The following GUSB variants were observed in gnomAD, a reference collection of about 807,000 sequenced individuals.
The protein encoded by GUSB is glucuronidase beta.
Under a neutral mutation model 74.6 loss-of-function variants are expected in GUSB, and 51 were observed. The observed-to-expected ratio is 0.68, with a 90% CI of 0.55 to 0.86. GUSB has a LOEUF of 0.86. GUSB is among the 40% of genes least tolerant of loss of function. GUSB has a pLI of 0.00. For missense variants in GUSB, 736 were observed against 853.7 expected, an observed-to-expected ratio of 0.86 and a Z score of 1.72; for synonymous variants, 360 against 348.3, an observed-to-expected ratio of 1.03 and a Z score of -0.37.
At chr7:65,971,949 G>A (rs1791240373) in intron 8 of GUSB, among the ~76,000 whole-genome samples, 2 of 151,850 alleles carry the variant, frequency 1.3e-5, no homozygotes, top group South Asian at 4.2e-4. Flanking sequence ...TGAGGCGGGA[G>A]AATCACTTGA....
In GUSB at chr7:65,980,226, C is replaced by T. The variant is rs769151272; in HGVS notation, c.394G>A (p.Val132Met). The part of the protein sequence containing the change: ...RIGSAHSYAI[V>M]WVNGVDTLEH... Reference sequence around the variant, plus strand: ...TGCCTGCTCCTGGCCGCACTGACCACGATGGCATAGGAATGGGCACTGCCA... The same window carrying T: ...TGCCTGCTCCTGGCCGCACTGACCATGATGGCATAGGAATGGGCACTGCCA... The change falls in exon 2 of 12, where the codon GTG becomes ATG. Residue 132 changes from valine (V) to methionine (M), a missense_variant and splice_region_variant. Val to Met is a conservative substitution (Grantham distance 21, BLOSUM62 1). Transcript: ENST00000304895. 1.0e-5 allele frequency: 16 copies of T among 1,602,148 alleles called. No homozygotes were observed. The highest frequency in any genetic ancestry group is 1.3e-5 in the African/African-American group (1 of 74,332).
chr7:65,974,868 T>C, intron 6 of GUSB, 51 bp downstream of exon 6: 2 of 1,601,212 alleles, frequency 1.2e-6, no homozygotes, highest in Non-Finnish European at 8.6e-7. Context: ...AAGGCGAAAG[T>C]GGAGGGTGAC....
At chr7:65,979,292 G>T in intron 4 of GUSB, 107 bp downstream of exon 4, 1 of 1,074,032 alleles carries the variant, frequency 9.3e-7, no homozygotes, top group Non-Finnish European at 1.4e-6. Flanking sequence ...GAATCTGTGA[G>T]GGTGTAGAGA....
At chr7:65,965,958 G>A (rs28460798) in intron 10 of GUSB, among the ~76,000 whole-genome samples, 1 of 152,096 alleles carries the variant, frequency 6.6e-6, no homozygotes, top group Non-Finnish European at 1.5e-5. Context: ...ATCACTTGAG[G>A]TCAGGAGTTC....
chr7:65,964,288 G>A (rs777224594), intron 11 of GUSB, 35 bp downstream of exon 11: 74 of 1,585,208 alleles, frequency 4.7e-5, no homozygotes, highest in South Asian at 2.4e-4. Flanking sequence ...AAATGAGGAC[G>A]GGTACGTTAT....
intron 8 of GUSB, among the ~76,000 whole-genome samples, chr7:65,971,907 C>T (rs1562681616): frequency 1.3e-5 from 2 of 151,742 alleles, no homozygotes; most frequent in Middle Eastern, 3.5e-3. Context: ...GGCGTGGTGG[C>T]GCATGCCTGT....
At chr7:65,974,040 T>G (rs760408791) in intron 8 of GUSB, among the ~76,000 whole-genome samples, 2 of 151,684 alleles carry the variant, frequency 1.3e-5, no homozygotes, top group Non-Finnish European at 2.9e-5. Context: ...GAGGTTGTAA[T>G]GAGCGGAGAT....
chr7:65,969,379 A>AAAATAAAT lies in GUSB; in HGVS notation c.1476+895_1476+902dup, dbSNP rs893231338. Among the ~76,000 whole-genome samples the AAAATAAAT allele has an allele frequency of 7.2e-5, 11 of 151,948 alleles. No individual in the cohort carries two copies. In the South Asian group the frequency reaches 1.5e-3, roughly 20 times the overall value. ...GGGCAACAGAGCAAGATTCCATCTC[A>AAAATAAAT]AAATAAATAAATAAATAAATAAAGA... On this transcript the variant is annotated intron_variant, in intron 9 of 11. Coordinates refer to ENST00000304895, the MANE Select transcript of GUSB (RefSeq NM_000181.4).
At chr7:65,964,024 T>G in intron 11 of GUSB, 1 of 431,006 alleles carries the variant, frequency 2.3e-6, no homozygotes, top group African/African-American at 2.0e-5. Context: ...GTCCCGTTTT[T>G]CGTTCCTCCT....
chr7:65,963,380 A>T lies in GUSB; in HGVS notation c.1789+943T>A, dbSNP rs1790625817. On this transcript the variant is annotated intron_variant, in intron 11 of 11. Transcript: ENST00000304895. ...CAAAGGCCTGTCTTTCCCTGTAAGTAATGTATTATAATTCCCACCATTACC... is the reference window on the plus strand; with the variant it reads ...CAAAGGCCTGTCTTTCCCTGTAAGTTATGTATTATAATTCCCACCATTACC... Among the ~76,000 whole-genome samples, 5 of 152,114 alleles carry T rather than the reference A, an allele frequency of 3.3e-5. No individual in the cohort carries two copies. In the South Asian group the frequency reaches 1.0e-3, roughly 32 times the overall value.
rs1791408177 is a variant in GUSB at position 65,974,276 on chromosome 7, G to A, written c.1391+19C>T. On this transcript the variant is annotated intron_variant, in intron 8 of 11. Coordinates refer to ENST00000304895, the MANE Select transcript of GUSB (RefSeq NM_000181.4). ...GGTCTCCTTCCCACTCTAGCCGAGG[G>A]CAGGGAGGGAGCACTCACTTCAAGT... The A allele has an allele frequency of 9.3e-6, 15 of 1,613,402 alleles. No individual in the cohort carries two copies. Among genetic ancestry groups the A allele is most frequent in the Non-Finnish European group, 1.3e-5 (15 of 1,179,484 alleles).
Position 65,979,878 on chromosome 7 carries a change from C to G in GUSB, c.430G>C (p.Gly144Arg). The change falls in exon 3 of 12, where the codon GGG (glycine) becomes CGG (arginine). Residue 144 changes from glycine (G) to arginine (R), a missense_variant. Gly to Arg is a moderately radical substitution (Grantham distance 125, BLOSUM62 -2). This residue lies in a region of GUSB where 368 missense variants were observed against 363.8 expected (regional missense o/e 1.01). Transcript: ENST00000304895. ...VNGVDTLEHE[G>R]GYLPFEADIS... ...TCGGCCTCGAAGGGGAGGTAGCCCC[C>G]CTCATGCTCTAGCGTGTCGACCCCA... The G allele has an allele frequency of 1.2e-6, 2 of 1,611,390 alleles. No individual in the cohort carries two copies. Among genetic ancestry groups the G allele is most frequent in the Non-Finnish European group, 1.7e-6 (2 of 1,179,340 alleles).
chr7:65,970,330 G>A lies in GUSB; in HGVS notation c.1428C>T (p.Ser476=). Residue 476 remains serine, a synonymous_variant, in exon 9 of 12, where the codon TCC becomes TCT. Transcript: ENST00000304895. ...VIAHTKSLDP[S]RPVTFVSNSN... ...AGTTGCTCACAAAGGTCACAGGCCG[G>A]GAGGGGTCCAAGGATTTGGTGTGAG... The A allele has an allele frequency of 3.7e-6, 6 of 1,613,356 alleles. No individual in the cohort carries two copies. The highest frequency in any genetic ancestry group is 5.1e-6 in the Non-Finnish European group (6 of 1,179,630).
At chr7:65,975,730 A>G (rs1791522870) in intron 5 of GUSB, 1 of 329,422 alleles carries the variant, frequency 3.0e-6, no homozygotes, top group African/African-American at 2.1e-5. Flanking sequence ...ATGTGCCTGT[A>G]GTCCCAGCTA....
intron 8 of GUSB, among the ~76,000 whole-genome samples, chr7:65,971,335 C>T (rs1002260378): frequency 2.6e-5 from 4 of 151,994 alleles, no homozygotes; most frequent in African/African-American, 4.8e-5. Context: ...CCGGGCAAGG[C>T]GGCTCACGCC....
At chr7:65,970,636 G>C (rs1480643318) in intron 8 of GUSB, among the ~76,000 whole-genome samples, 1 of 151,980 alleles carries the variant, frequency 6.6e-6, no homozygotes, top group Non-Finnish European at 1.5e-5. Context: ...GCTCACGCCT[G>C]TAATCCCAGC....
intron 5 of GUSB, 182 bp downstream of exon 5, chr7:65,975,833 A>T (rs1375488857): frequency 3.6e-6 from 2 of 563,350 alleles, no homozygotes; most frequent in South Asian, 4.3e-5. Flanking sequence ...CCTGGGTGAC[A>T]GAGTGAGACC....
Position 65,979,404 on chromosome 7 carries a change from T to C in GUSB, c.719A>G (p.Asp240Gly), listed in dbSNP as rs1791826833. The C allele has an allele frequency of 6.2e-7, 1 of 1,613,456 alleles. No homozygotes were observed. Among genetic ancestry groups the C allele is most frequent in the African/African-American group, 1.3e-5 (1 of 74,924 alleles). ...ATCCTACCAGAAGCCCTCACCACTG[T>C]CTTGCTCCACGCTGGTGGTGACGGT... is the stretch of plus-strand genomic sequence containing the variant. ...DITVTTSVEQ[D>G]SGLVNYQISV... The change falls in exon 4 of 12, where the codon GAC becomes GGC. Residue 240 changes from aspartate to glycine, a missense_variant. Transcript: ENST00000304895.
rs752792335 is a variant in GUSB, at chr7:65,974,976, G to A, written c.1008C>T (p.Phe336=). 2 of 1,613,684 alleles carry A rather than the reference G, an allele frequency of 1.2e-6. No homozygotes were observed. Among genetic ancestry groups the A allele is most frequent in the Admixed American group, 1.7e-5 (1 of 60,002 alleles). Residue 336 remains phenylalanine (F), a synonymous_variant, in exon 6 of 12, where the codon TTC becomes TTT. Transcript: ENST00000304895. The part of the protein sequence containing the change: ...IRTVAVTKSQ[F]LINGKPFYFH... ...AATAGAAAGGTTTCCCATTGATGAG[G>A]AACTGGCTCTTGGTGACAGCCACAG...
Sources: gnomAD v4.1 joint callset for allele counts (sites outside exome capture counted in the v4.1 genomes callset) on GRCh38, gnomAD v4.1.1 for gene constraint, gnomAD v4.1.1 regional missense constraint, MANE v1.5 for transcripts, NCBI Gene and HGNC (gene_info 2026-07-23, HGNC 2026-07-21) for gene names.